HS2ST1: variants seen among roughly 807,000 people sequenced by gnomAD.
The protein encoded by HS2ST1 is 2-O-sulfotransferase.
A neutral mutation model predicts 42.9 loss-of-function variants in HS2ST1; 18 were observed. The ratio of observed to expected loss-of-function variants is 0.42; its 90% CI spans 0.29 to 0.62. HS2ST1 has a LOEUF of 0.62. Among genes scored for constraint, HS2ST1 ranks in the 20% least tolerant of loss-of-function variants. The pLI is 0.21. For missense variants in HS2ST1, 334 were observed against 433.8 expected, an observed-to-expected ratio of 0.77 and a Z score of 2.04; for synonymous variants, 146 against 152.9, an observed-to-expected ratio of 0.95 and a Z score of 0.33.
intron 1 of HS2ST1, among the ~76,000 whole-genome samples, chr1:87,012,460 C>T (rs1428854252): frequency 6.6e-6 from 1 of 152,150 alleles, no homozygotes; most frequent in South Asian, 2.1e-4. Flanking sequence ...TATACACTAT[C>T]ATGAGAACAG....
intron 1 of HS2ST1, among the ~76,000 whole-genome samples, chr1:86,961,863 A>G (rs1014055443): frequency 1.3e-5 from 2 of 152,094 alleles, no homozygotes; most frequent in Non-Finnish European, 2.9e-5. Context: ...GAATCATACA[A>G]TTTGTGACCT....
At chr1:87,025,342 C>G (rs1236241595) in intron 1 of HS2ST1, among the ~76,000 whole-genome samples, 1 of 152,190 alleles carries the variant, frequency 6.6e-6, no homozygotes, top group Non-Finnish European at 1.5e-5. Flanking sequence ...AGGACACCTA[C>G]AGCAATATCA....
chr1:87,063,180 G>C (rs553166382), intron 1 of HS2ST1, among the ~76,000 whole-genome samples: 98 of 152,184 alleles, frequency 6.4e-4, no homozygotes, highest in Non-Finnish European at 9.4e-4. Flanking sequence ...TTGAGCTCTT[G>C]TTTGTTTTTG....
At chr1:86,924,563 G>T (rs11590439) in intron 1 of HS2ST1, among the ~76,000 whole-genome samples, 1 of 152,156 alleles carries the variant, frequency 6.6e-6, no homozygotes, top group Non-Finnish European at 1.5e-5. Flanking sequence ...TCTAGGCTGA[G>T]GTTCTCAAAC....
intron 1 of HS2ST1, among the ~76,000 whole-genome samples, chr1:87,042,614 CTT>C (rs1285532224): frequency 6.6e-6 from 1 of 152,040 alleles, no homozygotes; most frequent in East Asian, 1.9e-4. Context: ...AGGAAGTACT[CTT>C]TTGCAATGCC....
At position 87,071,886 on chromosome 1, in the gene HS2ST1, C is replaced by T. The variant is rs74554716; in HGVS notation, c.125-1048C>T. ...CAAAGACTTGGGGGTTAAGAGAGTA[C>T]GTGCTATATGTGTAACTATCCCCGT... On this transcript the variant is annotated intron_variant, in intron 1 of 6. Transcript: ENST00000370550. Among the ~76,000 whole-genome samples, 395 of 152,106 alleles carry T rather than the reference C, an allele frequency of 2.6e-3. 3 individuals carry two copies. The highest frequency in any genetic ancestry group is 9.1e-3 in the African/African-American group (377 of 41,466).
chr1:87,012,835 A>G (rs1435797561), intron 1 of HS2ST1, among the ~76,000 whole-genome samples: 2 of 152,226 alleles, frequency 1.3e-5, no homozygotes, highest in Non-Finnish European at 2.9e-5. Flanking sequence ...GAAATAGGCC[A>G]AAACAAAGGG....
rs1479629456 is a variant in HS2ST1 at position 87,107,344 on chromosome 1, T to A, written c.*2648T>A. 1 of 152,064 alleles carries A rather than the reference T, an allele frequency of 6.6e-6. No individual in the cohort carries two copies. 9.4% of individuals were successfully genotyped at this position (152,064 alleles called of 1,614,324 possible). A position where few individuals can be genotyped will look rare whatever the true frequency, so the allele number is the denominator to read the frequency against. ...GTTTAACAGTTCAGAATAGGGGCAT[T>A]TATTTTATCATATTTTAGGGTGGGT... is the stretch of plus-strand genomic sequence containing the variant. On this transcript the variant is annotated 3_prime_UTR_variant, in exon 7 of 7. Coordinates refer to ENST00000370550, the MANE Select transcript of HS2ST1 (RefSeq NM_012262.4).
At chr1:86,973,622 A>G (rs539342585) in intron 1 of HS2ST1, among the ~76,000 whole-genome samples, 1 of 152,298 alleles carries the variant, frequency 6.6e-6, no homozygotes, top group Admixed American at 6.5e-5. Flanking sequence ...AAGAGTGGGA[A>G]GTTGACCCAA....
chr1:86,921,000 T>G (rs1024730368), intron 1 of HS2ST1, among the ~76,000 whole-genome samples: 2 of 152,194 alleles, frequency 1.3e-5, no homozygotes, highest in African/African-American at 4.8e-5. Flanking sequence ...ATGCATGTTG[T>G]CTTAATTAGC....
At chr1:87,044,210 G>A (rs993413367) in intron 1 of HS2ST1, among the ~76,000 whole-genome samples, 2 of 152,176 alleles carry the variant, frequency 1.3e-5, no homozygotes, top group Admixed American at 6.5e-5. Flanking sequence ...GGACATTACA[G>A]CTCTACCAGT....
intron 1 of HS2ST1, among the ~76,000 whole-genome samples, chr1:86,962,855 G>T (rs1014363206): frequency 6.6e-6 from 1 of 152,124 alleles, no homozygotes; most frequent in Non-Finnish European, 1.5e-5. Flanking sequence ...TTCTCTAAAA[G>T]ATATGAAGTC....
At chr1:87,102,333 C>T (rs1652233360) in intron 5 of HS2ST1, among the ~76,000 whole-genome samples, 2 of 152,162 alleles carry the variant, frequency 1.3e-5, no homozygotes, top group Admixed American at 1.3e-4. Flanking sequence ...GCTGGGATTA[C>T]AGGTGTGAGC....
intron 1 of HS2ST1, among the ~76,000 whole-genome samples, chr1:86,921,825 A>G (rs1467458293): frequency 6.6e-6 from 1 of 152,208 alleles, no homozygotes; most frequent in Non-Finnish European, 1.5e-5. Context: ...ACTTTGTCTA[A>G]TACTAATACA....
intron 1 of HS2ST1, among the ~76,000 whole-genome samples, chr1:86,951,978 C>T (rs1219559284): frequency 1.3e-5 from 2 of 152,210 alleles, no homozygotes; most frequent in African/African-American, 4.8e-5. Context: ...TCAGTCCCCG[C>T]TTCTAACTCT....
chr1:87,017,430 C>A (rs1169043078), intron 1 of HS2ST1, among the ~76,000 whole-genome samples: 6 of 152,202 alleles, frequency 3.9e-5, no homozygotes, highest in Admixed American at 3.9e-4. Flanking sequence ...AGCCACCACA[C>A]CCGGCCTCTC....
intron 1 of HS2ST1, among the ~76,000 whole-genome samples, chr1:87,002,794 T>C (rs1431926894): frequency 1.3e-5 from 2 of 151,972 alleles, no homozygotes; most frequent in Non-Finnish European, 2.9e-5. Context: ...ACCCTGAAAA[T>C]CCTTGACTCC....
At chr1:86,920,424 T>C (rs1660269021) in intron 1 of HS2ST1, among the ~76,000 whole-genome samples, 1 of 152,198 alleles carries the variant, frequency 6.6e-6, no homozygotes, top group Non-Finnish European at 1.5e-5. Flanking sequence ...TGAAATCATT[T>C]GGAAAACCTC....
At chr1:86,962,994 A>C (rs1647895168) in intron 1 of HS2ST1, among the ~76,000 whole-genome samples, 1 of 152,204 alleles carries the variant, frequency 6.6e-6, no homozygotes, top group Admixed American at 6.5e-5. Context: ...AAAAGGTGGT[A>C]GTATAGAAAG....
Sources: gnomAD v4.1 joint callset for allele counts (sites outside exome capture counted in the v4.1 genomes callset) on GRCh38, gnomAD v4.1.1 for gene constraint, MANE v1.5 for transcripts, NCBI Gene and HGNC (gene_info 2026-07-23, HGNC 2026-07-21) for gene names.